Variants in TMEM132D observed in about 807,000 individuals in gnomAD.
TMEM132D encodes the protein mature OL transmembrane protein.
A neutral mutation model predicts 62.3 loss-of-function variants in TMEM132D; 21 were observed. The ratio of observed to expected loss-of-function variants is 0.34; its 90% CI spans 0.24 to 0.49. The LOEUF is 0.49. Among genes scored for constraint, TMEM132D ranks in the 20% least tolerant of loss-of-function variants. The pLI, the probability that TMEM132D is intolerant of heterozygous loss-of-function variation, is 0.99. For synonymous variants in TMEM132D, 621 were observed against 575.6 expected (o/e 1.08, Z -1.13); for missense variants, 1,346 against 1,402.8 (o/e 0.96, Z 0.65).
At chr12:129,579,147 T>C (rs1034564383) in intron 2 of TMEM132D, among the ~76,000 whole-genome samples, 1 of 152,246 alleles carries the variant, frequency 6.6e-6, no homozygotes, top group East Asian at 1.9e-4. Context: ...GGAAAAATGC[T>C]TTTGAACGAT....
intron 1 of TMEM132D, chr12:129,852,547 A>G (rs1873579205): frequency 6.6e-6 from 1 of 152,200 alleles, no homozygotes; most frequent in East Asian, 1.9e-4. Context: ...CTGTCTAAAA[A>G]TAAAAAAATA....
intron 5 of TMEM132D, among the ~76,000 whole-genome samples, chr12:129,164,526 G>T (rs1377884180): frequency 6.6e-6 from 1 of 152,138 alleles, no homozygotes; most frequent in Non-Finnish European, 1.5e-5. Flanking sequence ...ATAAAGAACT[G>T]CCCAAGACTG....
At chr12:129,233,511 C>T (rs754117830) in intron 4 of TMEM132D, among the ~76,000 whole-genome samples, 11 of 152,124 alleles carry the variant, frequency 7.2e-5, no homozygotes, top group Non-Finnish European at 1.3e-4. Context: ...CATGCTCCCT[C>T]GTATGTTGGA....
intron 5 of TMEM132D, among the ~76,000 whole-genome samples, chr12:129,140,214 CCACACACACACA>C (rs58179230): frequency 6.7e-6 from 1 of 148,662 alleles, no homozygotes; most frequent in East Asian, 2.0e-4. Flanking sequence ...GGCGCTGTTA[CCACACACACACA>C]CACACACACA....
intron 5 of TMEM132D, among the ~76,000 whole-genome samples, chr12:129,192,936 C>T (rs888311614): frequency 1.3e-5 from 2 of 152,018 alleles, no homozygotes; most frequent in Non-Finnish European, 2.9e-5. Context: ...TTTGGGAGGC[C>T]GAGGCGGGCG....
chr12:129,583,718 C>T (rs1279257848), intron 2 of TMEM132D, among the ~76,000 whole-genome samples: 3 of 152,114 alleles, frequency 2.0e-5, no homozygotes, highest in African/African-American at 4.8e-5. Context: ...AGGAATGAGG[C>T]GGGTCTGTCT....
chr12:129,666,218 G>A (rs1880375857), intron 2 of TMEM132D, among the ~76,000 whole-genome samples: 2 of 152,098 alleles, frequency 1.3e-5, no homozygotes, highest in Admixed American at 1.3e-4. Context: ...TGTTCCTCCA[G>A]GGCTCCACCC....
intron 4 of TMEM132D, among the ~76,000 whole-genome samples, chr12:129,254,028 C>G (rs1415599747): frequency 2.6e-5 from 4 of 152,134 alleles, no homozygotes; most frequent in African/African-American, 7.2e-5. Flanking sequence ...TTGGATAAAG[C>G]AAAAACGGAC....
chr12:129,226,686 C>A (rs1208516834), intron 4 of TMEM132D, among the ~76,000 whole-genome samples: 7 of 152,202 alleles, frequency 4.6e-5, no homozygotes, highest in Admixed American at 4.6e-4. Context: ...TAGGTGAGAT[C>A]TCCTAACTTT....
At chr12:129,732,645 G>A (rs530249232) in intron 1 of TMEM132D, among the ~76,000 whole-genome samples, 17 of 152,130 alleles carry the variant, frequency 1.1e-4, no homozygotes, top group Admixed American at 1.1e-3. Flanking sequence ...GCTCCCTGAG[G>A]CCTCCCCAGA....
intron 2 of TMEM132D, among the ~76,000 whole-genome samples, chr12:129,547,421 G>T (rs566704783): frequency 3.3e-5 from 5 of 152,220 alleles, no homozygotes; most frequent in African/African-American, 1.2e-4. Context: ...TTTCTCAAAG[G>T]AATACTGGAC....
chr12:129,550,374 C>T (rs577584544), intron 2 of TMEM132D, among the ~76,000 whole-genome samples: 3 of 152,328 alleles, frequency 2.0e-5, no homozygotes, highest in Admixed American at 2.0e-4. Flanking sequence ...GGATTAATCA[C>T]TATGTTCCCC....
intron 5 of TMEM132D, among the ~76,000 whole-genome samples, chr12:129,177,592 TA>T (rs1214721604): frequency 1.3e-5 from 2 of 152,056 alleles, no homozygotes; most frequent in African/African-American, 4.8e-5. Flanking sequence ...ACCCCATCTC[TA>T]CAAAAAATGA....
chr12:129,881,176 G>C (rs1016948212), intron 1 of TMEM132D, among the ~76,000 whole-genome samples: 6 of 152,010 alleles, frequency 3.9e-5, no homozygotes, highest in Admixed American at 1.3e-4. Flanking sequence ...AAATGTATAT[G>C]CAACTAACGA....
At chr12:129,846,179 AG>A (rs2137348635) in intron 1 of TMEM132D, among the ~76,000 whole-genome samples, 1 of 152,212 alleles carries the variant, frequency 6.6e-6, no homozygotes, top group African/African-American at 2.4e-5. Flanking sequence ...AACTGACCTA[AG>A]TTTATCTAAT....
chr12:129,861,410 C>T (rs1873891398), intron 1 of TMEM132D, among the ~76,000 whole-genome samples: 1 of 152,144 alleles, frequency 6.6e-6, no homozygotes, highest in African/African-American at 2.4e-5. Flanking sequence ...CCAATGAAAG[C>T]CCACCAGGTT....
At chr12:129,549,819 C>T (rs1249271703) in intron 2 of TMEM132D, among the ~76,000 whole-genome samples, 1 of 152,124 alleles carries the variant, frequency 6.6e-6, no homozygotes, top group Non-Finnish European at 1.5e-5. Context: ...CCCTTGTGAC[C>T]GTAAATGTTC....
At chr12:129,300,842 C>A (rs1006400163) in intron 4 of TMEM132D, among the ~76,000 whole-genome samples, 1 of 152,058 alleles carries the variant, frequency 6.6e-6, no homozygotes, top group Non-Finnish European at 1.5e-5. Flanking sequence ...TCAAATGTAC[C>A]CAGAGGTTGC....
chr12:129,451,813 G>C (rs1315244068), intron 3 of TMEM132D, among the ~76,000 whole-genome samples: 1 of 152,126 alleles, frequency 6.6e-6, no homozygotes, highest in African/African-American at 2.4e-5. Context: ...CCCTCTAGAA[G>C]CCTCACCTAG....
Sources: allele counts gnomAD v4.1 joint callset (sites outside exome capture counted in the v4.1 genomes callset), GRCh38; gene constraint gnomAD v4.1.1; transcripts MANE v1.5; gene names NCBI Gene and HGNC (gene_info 2026-07-23, HGNC 2026-07-21).